The following RABGAP1L variants were observed in gnomAD, a reference collection of about 807,000 sequenced individuals.
RABGAP1L encodes the protein RAB GTPase activating protein 1 like.
A neutral mutation model predicts 137.7 loss-of-function variants in RABGAP1L; 63 were observed. That is an observed-to-expected ratio of 0.46 (90% confidence interval 0.37 to 0.56). The LOEUF is 0.56. Among genes scored for constraint, RABGAP1L ranks in the 20% least tolerant of loss-of-function variants. RABGAP1L has a pLI of 0.00. For synonymous variants in RABGAP1L, 431 were observed against 433.7 expected, an observed-to-expected ratio of 0.99 and a Z score of 0.08; for missense variants, 1,095 against 1,244.0, an observed-to-expected ratio of 0.88 and a Z score of 1.80.
intron 11 of RABGAP1L, among the ~76,000 whole-genome samples, chr1:174,332,482 T>C (rs1477871764): frequency 6.6e-6 from 1 of 152,110 alleles, no homozygotes; most frequent in Non-Finnish European, 1.5e-5. Context: ...CTGCAACCTC[T>C]ACGTCTGGGT....
intron 10 of RABGAP1L, among the ~76,000 whole-genome samples, chr1:174,300,839 C>G (rs908526241): frequency 1.3e-5 from 2 of 152,132 alleles, no homozygotes; most frequent in African/African-American, 4.8e-5. Flanking sequence ...GCACTCCAGC[C>G]TGGGTGACAG....
Position 174,449,243 on chromosome 1 carries a change from A to G in RABGAP1L, c.1710+55098A>G, listed in dbSNP as rs747057571. 3.4e-6 allele frequency: 5 copies of G among 1,479,048 alleles called. No individual in the cohort carries two copies. The Admixed American group carries it at 1.2e-4, about 34-fold the overall frequency. 91.6% of individuals were successfully genotyped at this position (1,479,048 alleles called of 1,614,324 possible). A position where few individuals can be genotyped will look rare whatever the true frequency, so the allele number is the denominator to read the frequency against. On this transcript the variant is annotated intron_variant, in intron 13 of 25. Transcript: ENST00000681986. ...AAATGTAATCTGACAGTGGTTTTGG[A>G]TCATATTCTAGATTCATCTGGAAAT...
At chr1:174,499,660 C>T (rs1661074338) in intron 13 of RABGAP1L, among the ~76,000 whole-genome samples, 3 of 152,114 alleles carry the variant, frequency 2.0e-5, no homozygotes, top group Admixed American at 1.3e-4. Context: ...GCAATTATCT[C>T]AACGAATTAT....
intron 17 of RABGAP1L, among the ~76,000 whole-genome samples, chr1:174,749,491 G>A (rs1158206512): frequency 6.6e-6 from 1 of 151,730 alleles, no homozygotes; most frequent in Non-Finnish European, 1.5e-5. Context: ...CACCACACCT[G>A]GCTAATTTTT....
intron 13 of RABGAP1L, among the ~76,000 whole-genome samples, chr1:174,576,404 A>T (rs572271498): frequency 6.6e-6 from 1 of 152,240 alleles, no homozygotes; most frequent in East Asian, 1.9e-4. Flanking sequence ...AGCTATGAAC[A>T]TCTGCTTTTC....
At chr1:174,944,685 A>G (rs1475900660) in intron 19 of RABGAP1L, among the ~76,000 whole-genome samples, 1 of 151,574 alleles carries the variant, frequency 6.6e-6, no homozygotes, top group African/African-American at 2.4e-5. Context: ...TCTTCATGCA[A>G]TTTAATATTG....
intron 13 of RABGAP1L, among the ~76,000 whole-genome samples, chr1:174,431,666 C>T (rs933519112): frequency 3.3e-5 from 5 of 152,136 alleles, no homozygotes; most frequent in African/African-American, 4.8e-5. Flanking sequence ...GTTTGCTATG[C>T]ACATAGATTC....
chr1:174,329,259 C>T (rs745507674), intron 11 of RABGAP1L, among the ~76,000 whole-genome samples: 30 of 152,172 alleles, frequency 2.0e-4, no homozygotes, highest in South Asian at 4.2e-4. Context: ...AATTTTTGAA[C>T]GCATACAACC....
intron 17 of RABGAP1L, among the ~76,000 whole-genome samples, chr1:174,745,751 T>G (rs1000193141): frequency 2.0e-5 from 3 of 152,226 alleles, no homozygotes; most frequent in African/African-American, 4.8e-5. Context: ...TATCGAATAT[T>G]TACCAAATAC....
chr1:174,436,303 C>T (rs1311321104), intron 13 of RABGAP1L, among the ~76,000 whole-genome samples: 2 of 152,230 alleles, frequency 1.3e-5, no homozygotes, highest in Non-Finnish European at 2.9e-5. Context: ...TCTCCACATC[C>T]TCTCCAGCAC....
At chr1:174,694,886 G>C (rs1257225010) in intron 15 of RABGAP1L, among the ~76,000 whole-genome samples, 1 of 151,522 alleles carries the variant, frequency 6.6e-6, no homozygotes, top group African/African-American at 2.4e-5. Flanking sequence ...TTTAATGATT[G>C]CCATTCTAAC....
intron 19 of RABGAP1L, among the ~76,000 whole-genome samples, chr1:174,854,715 C>CTTTTG (rs1648968846): frequency 1.8e-5 from 1 of 56,860 alleles, no homozygotes. Context: ...AATATAAATG[C>CTTTTG]TTTTTTTTTT....
At chr1:174,368,890 A>T (rs1031150578) in intron 11 of RABGAP1L, among the ~76,000 whole-genome samples, 2 of 152,118 alleles carry the variant, frequency 1.3e-5, no homozygotes, top group African/African-American at 4.8e-5. Context: ...ATTATTGTCT[A>T]ATTTTTATTA....
chr1:174,447,758 G>A (rs1654930473), intron 13 of RABGAP1L, among the ~76,000 whole-genome samples: 1 of 151,886 alleles, frequency 6.6e-6, no homozygotes, highest in Non-Finnish European at 1.5e-5. Flanking sequence ...CATAGTGCAA[G>A]ATAATAAGAA....
At chr1:174,395,343 A>T (rs1238897227) in intron 13 of RABGAP1L, among the ~76,000 whole-genome samples, 1 of 152,132 alleles carries the variant, frequency 6.6e-6, no homozygotes, top group African/African-American at 2.4e-5. Context: ...AAAATGTGTG[A>T]TTGGCTTAAA....
intron 19 of RABGAP1L, among the ~76,000 whole-genome samples, chr1:174,894,165 A>G (rs1387412694): frequency 6.6e-6 from 1 of 152,214 alleles, no homozygotes; most frequent in Non-Finnish European, 1.5e-5. Context: ...GAATGAGGAT[A>G]ATTCCTCTAA....
At chr1:174,485,506 A>G (rs553284024) in intron 13 of RABGAP1L, among the ~76,000 whole-genome samples, 1 of 152,238 alleles carries the variant, frequency 6.6e-6, no homozygotes, top group East Asian at 1.9e-4. Flanking sequence ...ATGTTGAGGT[A>G]TGTTCCCTCT....
intron 13 of RABGAP1L, among the ~76,000 whole-genome samples, chr1:174,456,626 A>T (rs1423687665): frequency 1.3e-5 from 2 of 152,100 alleles, no homozygotes; most frequent in Non-Finnish European, 2.9e-5. Flanking sequence ...CCTTTTAAAT[A>T]AGTAATTCAG....
chr1:174,619,569 C>T (rs1262187599), intron 13 of RABGAP1L, among the ~76,000 whole-genome samples: 2 of 152,180 alleles, frequency 1.3e-5, no homozygotes. Context: ...AAATAAACTC[C>T]TTTACAGACA....
Sources: gnomAD v4.1 joint callset for allele counts (sites outside exome capture counted in the v4.1 genomes callset) on GRCh38, gnomAD v4.1.1 for gene constraint, MANE v1.5 for transcripts, NCBI Gene and HGNC (gene_info 2026-07-23, HGNC 2026-07-21) for gene names.